The following PTK2B variants were observed in gnomAD, a reference collection of about 807,000 sequenced individuals.
PTK2B encodes the protein protein tyrosine kinase 2 beta.
A neutral mutation model predicts 142.9 loss-of-function variants in PTK2B; 71 were observed. The ratio of observed to expected loss-of-function variants is 0.50; its 90% CI spans 0.41 to 0.61. The LOEUF (loss-of-function observed/expected upper bound fraction) is 0.61. Ranked by LOEUF, PTK2B falls within the 20% of genes least tolerant of loss-of-function variation. The pLI, the probability that PTK2B is intolerant of heterozygous loss-of-function variation, is 0.00. For synonymous variants in PTK2B, 519 were observed against 503.4 expected (o/e 1.03, Z -0.42); for missense variants, 1,105 against 1,320.4 (o/e 0.84, Z 2.53).
chr8:27,364,710 TTGA>T (rs1563222219), intron 1 of PTK2B, among the ~76,000 whole-genome samples: 6 of 152,250 alleles, frequency 3.9e-5, no homozygotes, highest in Admixed American at 3.9e-4. Flanking sequence ...TCATCCTGAC[TTGA>T]TGAGTGGCCT....
At chr8:27,354,098 T>A (rs1332472184) in intron 1 of PTK2B, among the ~76,000 whole-genome samples, 1 of 152,196 alleles carries the variant, frequency 6.6e-6, no homozygotes, top group African/African-American at 2.4e-5. Context: ...CATTACATGT[T>A]GGCTTAATTC....
intron 1 of PTK2B, among the ~76,000 whole-genome samples, chr8:27,341,591 G>A (rs936148003): frequency 5.9e-5 from 9 of 152,140 alleles, no homozygotes; most frequent in Admixed American, 5.9e-4. Context: ...TGACCAAGGC[G>A]GGCAGTCCTT....
At chr8:27,436,230 C>A in intron 14 of PTK2B, 21 bp from the exon 15 acceptor site, 1 of 1,612,386 alleles carries the variant, frequency 6.2e-7, no homozygotes, top group Non-Finnish European at 8.5e-7. Context: ...TGATCTGCGA[C>A]TGTTTTCTCT....
At chr8:27,436,215 C>G in intron 14 of PTK2B, 36 bp from the exon 15 acceptor site, 1 of 1,603,938 alleles carries the variant, frequency 6.2e-7, no homozygotes, top group Non-Finnish European at 8.5e-7. Context: ...TACCACCGAT[C>G]TCTGTGATCT....
At chr8:27,320,945 C>A (rs1283438628), upstream of PTK2B, among the ~76,000 whole-genome samples, 3 of 142,588 alleles carry the variant, frequency 2.1e-5, no homozygotes, top group Non-Finnish European at 3.0e-5. Context: ...TCTAAGATAC[C>A]TAAGCCACCA....
intron 2 of PTK2B, among the ~76,000 whole-genome samples, chr8:27,399,177 A>G (rs897627263): frequency 6.6e-6 from 1 of 152,202 alleles, no homozygotes; most frequent in Middle Eastern, 3.2e-3. Flanking sequence ...CTGATTTCCA[A>G]GTTTAGGGAG....
rs368361431 is a variant in PTK2B at position 27,397,721 on chromosome 8, A to G, written c.137A>G (p.Tyr46Cys). The G allele has an allele frequency of 1.4e-4, 219 of 1,614,154 alleles. No individual in the cohort carries two copies. The highest frequency in any genetic ancestry group is 1.8e-4 in the Non-Finnish European group (208 of 1,180,060). The change falls in exon 2 of 31, where the codon TAT becomes TGT. Residue 46 changes from tyrosine (Y) to cysteine (C), a missense_variant. Coordinates refer to ENST00000346049, the MANE Select transcript of PTK2B (RefSeq NM_173176.3). Reference protein sequence around the residue: ...EDVRILKVCFYSNSFNPGKNF... With the variant: ...EDVRILKVCFCSNSFNPGKNF... ...GTGCGTATCCTCAAGGTCTGCTTCTATAGCAACAGCTTCAATCCTGGGAAA... is the reference window on the plus strand; with the variant it reads ...GTGCGTATCCTCAAGGTCTGCTTCTGTAGCAACAGCTTCAATCCTGGGAAA...
chr8:27,437,425 A>G lies in PTK2B; in HGVS notation c.1456A>G (p.Ile486Val), dbSNP rs769031656. Residue 486 changes from isoleucine (I) to valine (V), a missense_variant, in exon 17 of 31, where the codon ATC becomes GTC. Ile to Val is a conservative substitution (Grantham distance 29). Coordinates refer to ENST00000346049, the MANE Select transcript of PTK2B (RefSeq NM_173176.3). The stretch of plus-strand genomic sequence containing the variant: ...CATGAAGAACCTCGACCACCCGCAC[A>G]TCGTGAAGCTGATCGGCATCATTGA... ...VIMKNLDHPH[I>V]VKLIGIIEEE... 3.2e-5 allele frequency: 52 copies of G among 1,613,328 alleles called. No individual in the cohort carries two copies. The highest frequency in any genetic ancestry group is 5.5e-5 in the South Asian group (5 of 91,004).
intron 1 of PTK2B, among the ~76,000 whole-genome samples, chr8:27,384,829 G>A (rs1415314925): frequency 6.6e-6 from 1 of 152,184 alleles, no homozygotes; most frequent in African/African-American, 2.4e-5. Flanking sequence ...TAAACAGGGT[G>A]AAGAACCCAG....
intron 2 of PTK2B, among the ~76,000 whole-genome samples, chr8:27,411,163 TAGAG>T (rs1414993971): frequency 6.6e-6 from 1 of 152,216 alleles, no homozygotes; most frequent in East Asian, 1.9e-4. Flanking sequence ...GATTTATTAA[TAGAG>T]AAAGAAATAT....
At chr8:27,311,446 G>T, upstream of PTK2B, 1 of 620,788 alleles carries the variant, frequency 1.6e-6, no homozygotes, top group Non-Finnish European at 2.7e-6. Context: ...CGGTGTGCGC[G>T]GGAAATCTTG....
chr8:27,458,727 G>A lies in PTK2B; in HGVS notation c.*218G>A, dbSNP rs187592518. The A allele has an allele frequency of 1.2e-4, 70 of 592,220 alleles. No homozygotes were observed. The highest frequency in any genetic ancestry group is 7.1e-4 in the East Asian group (25 of 35,164). 36.7% of individuals were successfully genotyped at this position (592,220 alleles called of 1,614,324 possible). A position where few individuals can be genotyped will look rare whatever the true frequency, so the allele number is the denominator to read the frequency against. ...CTCTGGGCTATGGACACAGGGTGAC[G>A]GTGACAAAGATGGCTCAGAGGGGGA... is the stretch of plus-strand genomic sequence containing the variant. On this transcript the variant is annotated 3_prime_UTR_variant, in exon 31 of 31. Transcript: ENST00000346049.
At chr8:27,385,892 C>CAAAAAA (rs71553856) in intron 1 of PTK2B, among the ~76,000 whole-genome samples, 7 of 110,000 alleles carry the variant, frequency 6.4e-5, no homozygotes, top group Non-Finnish European at 8.7e-5. Flanking sequence ...GATTCCGTCT[C>CAAAAAA]AAAAAAAAAA....
chr8:27,405,842 A>T (rs10103554), intron 2 of PTK2B, among the ~76,000 whole-genome samples: 33,986 of 152,248 alleles, frequency 0.22, 3,971 homozygotes, highest in Middle Eastern at 0.36. Flanking sequence ...GTGTTAAGTT[A>T]TGCTCACTTG....
chr8:27,429,082 T>A (rs1810253728), intron 5 of PTK2B, among the ~76,000 whole-genome samples: 1 of 152,114 alleles, frequency 6.6e-6, no homozygotes, highest in African/African-American at 2.4e-5. Flanking sequence ...AATTTTTGTG[T>A]TTTTAGTAGA....
chr8:27,424,644 A>AT (rs568972172), intron 5 of PTK2B, among the ~76,000 whole-genome samples: 10 of 152,332 alleles, frequency 6.6e-5, no homozygotes, highest in Non-Finnish European at 1.5e-4. Context: ...GAATGCAGTT[A>AT]TTTGTTATGA....
At chr8:27,393,831 C>T (rs928730169) in intron 1 of PTK2B, among the ~76,000 whole-genome samples, 5 of 152,032 alleles carry the variant, frequency 3.3e-5, no homozygotes, top group Non-Finnish European at 4.4e-5. Flanking sequence ...CATGAACCTG[C>T]GTGGACACAT....
chr8:27,342,715 T>C (rs1341606549), intron 1 of PTK2B, among the ~76,000 whole-genome samples: 1 of 152,192 alleles, frequency 6.6e-6, no homozygotes, highest in East Asian at 1.9e-4. Flanking sequence ...ACAGTCTTCT[T>C]CCTGACTCTG....
intron 24 of PTK2B, 120 bp downstream of exon 24, chr8:27,446,039 C>G: frequency 7.1e-7 from 1 of 1,411,520 alleles, no homozygotes; most frequent in Non-Finnish European, 9.6e-7. Context: ...TTCCCATGCA[C>G]CAGTCAGGCC....
Sources: allele counts gnomAD v4.1 joint callset (sites outside exome capture counted in the v4.1 genomes callset), GRCh38; gene constraint gnomAD v4.1.1; transcripts MANE v1.5; gene names NCBI Gene and HGNC (gene_info 2026-07-23, HGNC 2026-07-21).